The following CCDC60 variants were observed in gnomAD, a reference collection of about 807,000 sequenced individuals.
The protein encoded by CCDC60 is coiled-coil domain containing 60, also known as coiled-coil domain-containing protein 60.
Under a neutral mutation model 63.5 loss-of-function variants are expected in CCDC60, and 54 were observed. The ratio of observed to expected loss-of-function variants is 0.85; its 90% CI spans 0.68 to 1.07. The LOEUF (loss-of-function observed/expected upper bound fraction) is 1.07. CCDC60 is among the 50% of genes least tolerant of loss of function. CCDC60 has a pLI of 0.00. For synonymous variants in CCDC60, 206 were observed against 238.8 expected, an observed-to-expected ratio of 0.86 and a Z score of 1.27; for missense variants, 651 against 684.3, an observed-to-expected ratio of 0.95 and a Z score of 0.54.
At chr12:119,520,034 G>A in intron 8 of CCDC60, 87 bp from the exon 9 acceptor site, 3 of 1,122,726 alleles carry the variant, frequency 2.7e-6, no homozygotes, top group Non-Finnish European at 1.3e-6. Context: ...GCTCTAGAAA[G>A]AGAATTCCCC....
chr12:119,531,151 GAC>G, intron 13 of CCDC60, 88 bp downstream of exon 13: 1 of 1,173,496 alleles, frequency 8.5e-7, no homozygotes, highest in Non-Finnish European at 1.2e-6. Flanking sequence ...AAGTGCTGGG[GAC>G]ACAAAGTCCC....
intron 6 of CCDC60, among the ~76,000 whole-genome samples, chr12:119,504,709 A>G (rs1219144598): frequency 1.3e-5 from 2 of 152,204 alleles, no homozygotes; most frequent in Non-Finnish European, 2.9e-5. Context: ...ATCAACTCCA[A>G]TAGTTATTAC....
Position 119,353,574 on chromosome 12 carries a change from T to TCTC in CCDC60, c.90+18309_90+18311dup, listed in dbSNP as rs372946793. Among the ~76,000 whole-genome samples, 586 of 143,070 alleles carry TCTC rather than the reference T, an allele frequency of 4.1e-3. 5 individuals are homozygous for TCTC. The highest frequency in any genetic ancestry group is 0.014 in the African/African-American group (548 of 39,496). 93.9% of individuals were successfully genotyped at this position (143,070 alleles called of 152,430 possible). Reference sequence around the variant, plus strand: ...TATGTTTCTCTCCTTCTCTCTCCCCTCTCTCCTTCTTCTTCTTCTTCTTCT... The same window carrying TCTC: ...TATGTTTCTCTCCTTCTCTCTCCCCTCTCCTCTCCTTCTTCTTCTTCTTCTTCT... On this transcript the variant is annotated intron_variant, in intron 1 of 13. Transcript: ENST00000327554.
chr12:119,367,853 T>C (rs1209170141), intron 1 of CCDC60, among the ~76,000 whole-genome samples: 1 of 151,850 alleles, frequency 6.6e-6, no homozygotes, highest in East Asian at 1.9e-4. Context: ...AATTTGGGGT[T>C]TCCAGGGGCT....
chr12:119,491,767 G>A (rs1395398161), intron 5 of CCDC60, among the ~76,000 whole-genome samples: 1 of 150,888 alleles, frequency 6.6e-6, no homozygotes, highest in African/African-American at 2.4e-5. Context: ...AGGCCTCTGA[G>A]CCAGAGGGCT....
intron 1 of CCDC60, among the ~76,000 whole-genome samples, chr12:119,361,651 A>G (rs759838467): frequency 3.3e-5 from 5 of 152,228 alleles, no homozygotes; most frequent in Admixed American, 6.5e-5. Flanking sequence ...TGGAGAAGGG[A>G]TAAGTCCCAA....
rs751791042 is a variant in CCDC60 at position 119,523,824 on chromosome 12, C to A, written c.1229+6C>A. ...AAGATGGAAATCCTCATGAAGTAAG[C>A]GCACATATATATCCATTCATTCAAA... is the stretch of plus-strand genomic sequence containing the variant. On this transcript the variant is annotated splice_donor_region_variant and intron_variant, in intron 11 of 13. Transcript: ENST00000327554. 2.5e-6 allele frequency: 4 copies of A among 1,613,584 alleles called. 1 individual carries two copies. Among genetic ancestry groups the A allele is most frequent in the Admixed American group, 3.3e-5 (2 of 59,966 alleles).
chr12:119,451,704 A>C (rs1473675054), intron 2 of CCDC60, among the ~76,000 whole-genome samples: 1 of 152,180 alleles, frequency 6.6e-6, no homozygotes, highest in Non-Finnish European at 1.5e-5. Flanking sequence ...ATGGCACAGC[A>C]CCTTTTACAC....
At chr12:119,477,930 A>G (rs1259822270) in intron 3 of CCDC60, among the ~76,000 whole-genome samples, 1 of 152,134 alleles carries the variant, frequency 6.6e-6, no homozygotes, top group African/African-American at 2.4e-5. Flanking sequence ...TCACAGAGAG[A>G]GAGAGGAGAG....
At chr12:119,529,802 G>A (rs540146738) in intron 12 of CCDC60, among the ~76,000 whole-genome samples, 6 of 152,252 alleles carry the variant, frequency 3.9e-5, no homozygotes, top group Admixed American at 3.9e-4. Flanking sequence ...AGGTTGTTAT[G>A]AACTAACTCA....
chr12:119,539,635 C>T lies in CCDC60; in HGVS notation c.1552-979C>T, dbSNP rs889560586. ...TTGCTGGGCTCCGTGGAAGTGGGATCCAGTGAGCTAGACCACTTGGCTCCC... is the reference window on the plus strand; with the variant it reads ...TTGCTGGGCTCCGTGGAAGTGGGATTCAGTGAGCTAGACCACTTGGCTCCC... On this transcript the variant is annotated intron_variant, in intron 13 of 13. Transcript: ENST00000327554. 1.1e-4 allele frequency among the ~76,000 whole-genome samples: 16 copies of T among 152,214 alleles called. 1 individual carries two copies. The East Asian group carries it at 2.1e-3, about 20-fold the overall frequency.
In CCDC60 at chr12:119,523,001, A is replaced by T. The variant is rs1240579355; in HGVS notation, c.1103A>T (p.Asn368Ile). The T allele has an allele frequency of 3.1e-6, 5 of 1,613,974 alleles. No homozygotes were observed. The African/African-American group carries it at 5.3e-5, about 17-fold the overall frequency. The change falls in exon 10 of 14, where the codon AAC (asparagine) becomes ATC (isoleucine). Residue 368 changes from asparagine (N) to isoleucine (I), a missense_variant and splice_region_variant. Transcript: ENST00000327554. ...CAACCAGTCCAGAAGAAGTCTAAAAAGTAAGCCAGGAGGGCAATGGAAGGA... is the reference window on the plus strand; with the variant it reads ...CAACCAGTCCAGAAGAAGTCTAAAATGTAAGCCAGGAGGGCAATGGAAGGA... Reference protein sequence around the residue: ...HIQPVQKKSKNRTNCDINIHY... With the variant: ...HIQPVQKKSKIRTNCDINIHY...
chr12:119,394,262 G>T (rs897329500), intron 1 of CCDC60, among the ~76,000 whole-genome samples: 1 of 152,204 alleles, frequency 6.6e-6, no homozygotes, highest in Non-Finnish European at 1.5e-5. Context: ...GGAAGCAGAA[G>T]CTTGAGGATT....
chr12:119,516,765 C>G (rs1952366063), intron 8 of CCDC60, 58 bp downstream of exon 8: 1 of 1,202,460 alleles, frequency 8.3e-7, no homozygotes, highest in African/African-American at 1.5e-5. Flanking sequence ...ATCACATTAA[C>G]AGTAGTAGTT....
intron 4 of CCDC60, among the ~76,000 whole-genome samples, chr12:119,483,225 T>C (rs909923850): frequency 6.6e-6 from 1 of 152,164 alleles, no homozygotes; most frequent in Non-Finnish European, 1.5e-5. Flanking sequence ...AGGGATGGCA[T>C]TGTTGTCATC....
intron 1 of CCDC60, among the ~76,000 whole-genome samples, chr12:119,399,113 G>A (rs1232111136): frequency 1.3e-5 from 2 of 152,190 alleles, no homozygotes; most frequent in Non-Finnish European, 2.9e-5. Flanking sequence ...AATATAGGAT[G>A]AAGGGCAGTG....
At chr12:119,435,285 A>C (rs1296094076) in intron 2 of CCDC60, among the ~76,000 whole-genome samples, 1 of 152,218 alleles carries the variant, frequency 6.6e-6, no homozygotes, top group Non-Finnish European at 1.5e-5. Flanking sequence ...ATCAGTTGAA[A>C]TAAGGGGGAA....
At chr12:119,348,839 T>C (rs1955624662) in intron 1 of CCDC60, among the ~76,000 whole-genome samples, 1 of 152,194 alleles carries the variant, frequency 6.6e-6, no homozygotes, top group Non-Finnish European at 1.5e-5. Context: ...CCTGGAGGTA[T>C]ATTTTTGTAT....
In CCDC60 at chr12:119,380,231, T is replaced by C. The variant is rs80226068; in HGVS notation, c.90+44965T>C. Among the ~76,000 whole-genome samples the C allele has an allele frequency of 2.5e-3, 377 of 152,350 alleles. 6 individuals carry two copies. The East Asian group carries it at 0.045, about 18-fold the overall frequency. On this transcript the variant is annotated intron_variant, in intron 1 of 13. Coordinates refer to ENST00000327554, the MANE Select transcript of CCDC60 (RefSeq NM_178499.5). The stretch of plus-strand genomic sequence containing the variant: ...AACCACAGTTGGGTGGGAACAGTCA[T>C]GTGTGCTAGAAGCAGCTCATACTGA...
Sources: gnomAD v4.1 joint callset for allele counts (sites outside exome capture counted in the v4.1 genomes callset) on GRCh38, gnomAD v4.1.1 for gene constraint, MANE v1.5 for transcripts, NCBI Gene and HGNC (gene_info 2026-07-23, HGNC 2026-07-21) for gene names.